SCARB2: variants seen among roughly 807,000 people sequenced by gnomAD.
SCARB2 encodes the protein scavenger receptor class B member 2, also known as lysosome membrane protein 2.
In SCARB2, 29 loss-of-function variants were observed where a neutral mutation model predicts 58.6. That is an observed-to-expected ratio of 0.49 (90% CI 0.37 to 0.67). The LOEUF is 0.67. Among genes scored for constraint, SCARB2 ranks in the 30% least tolerant of loss-of-function variants. The pLI is 0.00. For synonymous variants in SCARB2, 195 were observed against 210.1 expected, an observed-to-expected ratio of 0.93 and a Z score of 0.62; for missense variants, 488 against 578.5, an observed-to-expected ratio of 0.84 and a Z score of 1.60.
chr4:76,168,828 A>T (rs1424432140), intron 8 of SCARB2, among the ~76,000 whole-genome samples: 1 of 152,234 alleles, frequency 6.6e-6, no homozygotes, highest in African/African-American at 2.4e-5. Flanking sequence ...AGGAGGCCTA[A>T]AAGATAGCCT....
At chr4:76,176,132 G>C (rs1560708759) in intron 5 of SCARB2, 2 of 625,080 alleles carry the variant, frequency 3.2e-6, no homozygotes, top group East Asian at 5.5e-5. Flanking sequence ...AAAACATGTG[G>C]TGGTTTGAAA....
At chr4:76,203,657 T>C (rs1448619152) in intron 1 of SCARB2, among the ~76,000 whole-genome samples, 1 of 152,242 alleles carries the variant, frequency 6.6e-6, no homozygotes, top group African/African-American at 2.4e-5. Context: ...CTCTCTGAGC[T>C]GTGTGTAGTG....
At chr4:76,194,482 A>G (rs1484769894) in intron 2 of SCARB2, 3 of 151,856 alleles carry the variant, frequency 2.0e-5, no homozygotes, top group South Asian at 4.1e-4. Context: ...AGAGGCGGGA[A>G]TCAAAATGGG....
At chr4:76,171,366 A>G (rs533936568) in intron 7 of SCARB2, among the ~76,000 whole-genome samples, 1 of 152,284 alleles carries the variant, frequency 6.6e-6, no homozygotes, top group East Asian at 1.9e-4. Context: ...TTAATGAGAA[A>G]ACTGATGTCT....
chr4:76,175,982 C>G lies in SCARB2; in HGVS notation c.705-72G>C, dbSNP rs1732244401. 9 of 1,579,078 alleles carry G rather than the reference C, an allele frequency of 5.7e-6. No homozygotes were observed. The East Asian group carries it at 2.0e-4, about 35-fold the overall frequency. On this transcript the variant is annotated intron_variant, in intron 5 of 11. Transcript: ENST00000264896. The stretch of plus-strand genomic sequence containing the variant: ...TTTAGATTCTCTTAAATGGTCAGGA[C>G]TTTGCAAGATTTAACTGGAGCTGTC...
chr4:76,179,690 A>C lies in SCARB2; in HGVS notation c.439T>G (p.Ser147Ala), dbSNP rs761338403. The C allele has an allele frequency of 6.2e-7, 1 of 1,613,812 alleles. No individual in the cohort carries two copies. The highest frequency in any genetic ancestry group is 8.5e-7 in the Non-Finnish European group (1 of 1,179,846). Residue 147 changes from serine (S) to alanine (A), a missense_variant, in exon 4 of 12, where the codon TCC (serine) becomes GCC (alanine). By Grantham distance (99) the Ser-to-Ala change is moderately conservative. Transcript: ENST00000264896. Reference protein sequence around the residue: ...NIPVLTVIEWSQVHFLREIIE... With the variant: ...NIPVLTVIEWAQVHFLREIIE... ...ATCTCCCTGAGGAAGTGCACCTGGG[A>C]CCACTCTATGACAGTCTGCGGAGCA...
At chr4:76,190,648 G>A (rs1206046620) in intron 2 of SCARB2, among the ~76,000 whole-genome samples, 13 of 152,156 alleles carry the variant, frequency 8.5e-5, no homozygotes, top group Non-Finnish European at 1.8e-4. Flanking sequence ...AGCCAGGCGT[G>A]GTGGCCGTGC....
chr4:76,169,211 GT>G (rs374768153), intron 8 of SCARB2, among the ~76,000 whole-genome samples: 204 of 143,982 alleles, frequency 1.4e-3, no homozygotes, highest in South Asian at 1.1e-3. Context: ...GAATGTTCTT[GT>G]TTTTTTTTTT....
At position 76,168,453 on chromosome 4, in the gene SCARB2, T is replaced by A. The variant is rs1460587936; in HGVS notation, c.1137A>T (p.Ala379=). The A allele has an allele frequency of 6.2e-7, 1 of 1,614,118 alleles. No individual in the cohort carries two copies. Among genetic ancestry groups the A allele is most frequent in the Non-Finnish European group, 8.5e-7 (1 of 1,179,980 alleles). The change falls in exon 9 of 12, where the codon GCA becomes GCT. Residue 379 remains alanine, a synonymous_variant. Transcript: ENST00000264896. ...AAATGTTGATTTGGAACCTCTTGGC[T>A]GCTTTTAGGATTATTCCAGTCAACT... ...INPLTGIILK[A]AKRFQINIYV...
At chr4:76,221,770 TGA>T (rs1474228881) in intron 1 of SCARB2, among the ~76,000 whole-genome samples, 1 of 152,174 alleles carries the variant, frequency 6.6e-6, no homozygotes, top group African/African-American at 2.4e-5. Context: ...AGGACGTGGG[TGA>T]GGAGTATAGG....
chr4:76,176,354 A>G, intron 5 of SCARB2, 83 bp downstream of exon 5: 1 of 926,564 alleles, frequency 1.1e-6, no homozygotes, highest in Non-Finnish European at 1.7e-6. Context: ...AAGGCTAAAC[A>G]CATTTTTAAG....
In SCARB2 at chr4:76,159,711, ACT is replaced by A. The variant is rs1473504599; in HGVS notation, c.*2000_*2001del. Reference sequence around the variant, plus strand: ...TACTCCAGCCTGGCGACAGAGTGAGACTCTCTCAAAAAAAAAAGAATCATGAC... The same window carrying A: ...TACTCCAGCCTGGCGACAGAGTGAGACTCTCAAAAAAAAAAGAATCATGAC... On this transcript the variant is annotated 3_prime_UTR_variant, in exon 12 of 12. Coordinates refer to ENST00000264896, the MANE Select transcript of SCARB2 (RefSeq NM_005506.4). The A allele has an allele frequency of 6.6e-6, 1 of 151,832 alleles. No homozygotes were observed. Among genetic ancestry groups the A allele is most frequent in the Non-Finnish European group, 1.5e-5 (1 of 67,988 alleles). 9.4% of individuals were successfully genotyped at this position (151,832 alleles called of 1,614,324 possible).
intron 1 of SCARB2, among the ~76,000 whole-genome samples, chr4:76,227,130 G>A (rs183205291): frequency 6.6e-5 from 10 of 152,152 alleles, no homozygotes; most frequent in Non-Finnish European, 1.5e-4. Context: ...GTGTCTATTT[G>A]TGCTCTTTCA....
At chr4:76,180,020 C>CTACCT in intron 3 of SCARB2, 1 of 401,608 alleles carries the variant, frequency 2.5e-6, no homozygotes, top group South Asian at 2.2e-5. Context: ...CAAGGTGGCG[C>CTACCT]TACCTTCCGC....
At chr4:76,197,033 C>G (rs1038623471) in intron 1 of SCARB2, among the ~76,000 whole-genome samples, 2 of 152,136 alleles carry the variant, frequency 1.3e-5, no homozygotes, top group African/African-American at 2.4e-5. Flanking sequence ...GAGGGAAGGC[C>G]ACGTGAAAAC....
intron 4 of SCARB2, 160 bp downstream of exon 4, chr4:76,179,357 A>G (rs1419648858): frequency 1.2e-5 from 8 of 645,266 alleles, no homozygotes; most frequent in Non-Finnish European, 2.2e-5. Context: ...CCCGGCCTCA[A>G]GTTTTTTTTC....
chr4:76,175,647 C>T (rs1732237111), intron 6 of SCARB2, 144 bp downstream of exon 6: 1 of 960,504 alleles, frequency 1.0e-6, no homozygotes, highest in Non-Finnish European at 1.6e-6. Flanking sequence ...ACTATACTGT[C>T]TCGATGTGCC....
At chr4:76,189,579 T>C (rs1434611279) in intron 2 of SCARB2, among the ~76,000 whole-genome samples, 1 of 152,020 alleles carries the variant, frequency 6.6e-6, no homozygotes, top group Non-Finnish European at 1.5e-5. Flanking sequence ...GCCTCCGGGG[T>C]TCAAGTGATT....
At chr4:76,211,665 AG>A (rs746794963) in intron 1 of SCARB2, among the ~76,000 whole-genome samples, 2 of 152,240 alleles carry the variant, frequency 1.3e-5, no homozygotes, top group Non-Finnish European at 2.9e-5. Flanking sequence ...TTTCATGCCC[AG>A]GAGTGTAACA....
Sources: allele counts gnomAD v4.1 joint callset (sites outside exome capture counted in the v4.1 genomes callset), GRCh38; gene constraint gnomAD v4.1.1; transcripts MANE v1.5; gene names NCBI Gene and HGNC (gene_info 2026-07-23, HGNC 2026-07-21).